The following RPS6KA5 variants were observed in gnomAD, a reference collection of about 807,000 sequenced individuals.
RPS6KA5 encodes the protein ribosomal protein S6 kinase alpha-5.
In RPS6KA5, 27 loss-of-function variants were observed where a neutral mutation model predicts 85.5. The observed-to-expected ratio is 0.32, with a 90% CI of 0.23 to 0.44. The LOEUF (loss-of-function observed/expected upper bound fraction) is 0.44. RPS6KA5 is among the 20% of genes least tolerant of loss of function. RPS6KA5 has a pLI of 1.00. For missense variants in RPS6KA5, 811 were observed against 980.9 expected (o/e 0.83, Z 2.31); for synonymous variants, 334 against 348.2 (o/e 0.96, Z 0.46).
intron 3 of RPS6KA5, among the ~76,000 whole-genome samples, chr14:90,960,566 C>T (rs1033324671): frequency 6.6e-6 from 1 of 152,112 alleles, no homozygotes; most frequent in Admixed American, 6.5e-5. Context: ...CCCTTTTCAA[C>T]TGGGCATAAA....
chr14:90,983,787 T>TCTC (rs2039917681), intron 2 of RPS6KA5, among the ~76,000 whole-genome samples: 4 of 129,334 alleles, frequency 3.1e-5, no homozygotes, highest in Admixed American at 8.4e-5. Context: ...CTTTCTTTCT[T>TCTC]TCTCTCTCTC....
rs576460486 is a variant in RPS6KA5, at chr14:90,877,213, A to G, written c.1837-1853T>C. Among the ~76,000 whole-genome samples the G allele has an allele frequency of 2.0e-5, 3 of 152,346 alleles. No homozygotes were observed. The South Asian group carries it at 6.2e-4, about 32-fold the overall frequency. On this transcript the variant is annotated intron_variant, in intron 14 of 16. Transcript: ENST00000614987. ...AAAAACTATATGCATGAGAATGCGC[A>G]GAGTTTGAAAATAGAAGACACGGAG...
At chr14:90,948,577 C>T (rs2037997743) in intron 3 of RPS6KA5, among the ~76,000 whole-genome samples, 1 of 152,124 alleles carries the variant, frequency 6.6e-6, no homozygotes, top group African/African-American at 2.4e-5. Context: ...TGCCTGTAGT[C>T]CCAGCTACTT....
rs2032119273 is a variant in RPS6KA5 at position 90,853,606 on chromosome 14, A to T, written c.*18468T>A. 6.6e-6 allele frequency: 1 copy of T among 150,862 alleles called. No homozygotes were observed. Among genetic ancestry groups the T allele is most frequent in the Non-Finnish European group, 1.5e-5 (1 of 67,782 alleles). 9.3% of individuals were successfully genotyped at this position (150,862 alleles called of 1,614,324 possible). On this transcript the variant is annotated 3_prime_UTR_variant, in exon 17 of 17. Coordinates refer to ENST00000614987, the MANE Select transcript of RPS6KA5 (RefSeq NM_004755.4). ...TTTGGGAGGCCGAGGCAGGCAGATC[A>T]TCAGGGCAGGAGTTCGAGACCAGCC...
intron 2 of RPS6KA5, among the ~76,000 whole-genome samples, chr14:90,980,769 C>A (rs1233240899): frequency 6.6e-6 from 1 of 152,186 alleles, no homozygotes; most frequent in East Asian, 1.9e-4. Flanking sequence ...ATAGAAGTCA[C>A]AATGCAAGTT....
At chr14:91,014,240 C>T (rs1453001186) in intron 1 of RPS6KA5, among the ~76,000 whole-genome samples, 3 of 152,028 alleles carry the variant, frequency 2.0e-5, no homozygotes, top group South Asian at 2.1e-4. Flanking sequence ...CGGTGGCTCA[C>T]GCCTGTAATC....
chr14:91,007,251 A>C (rs2041061156), intron 1 of RPS6KA5, among the ~76,000 whole-genome samples: 1 of 152,218 alleles, frequency 6.6e-6, no homozygotes, highest in Non-Finnish European at 1.5e-5. Flanking sequence ...AGAATGCCTT[A>C]TGAAAACTTT....
chr14:90,938,816 T>A (rs959701239), intron 5 of RPS6KA5, among the ~76,000 whole-genome samples: 1 of 152,156 alleles, frequency 6.6e-6, no homozygotes, highest in African/African-American at 2.4e-5. Context: ...AACCATTTTT[T>A]CCTCCTAAAC....
chr14:90,909,662 C>A (rs953061525), intron 7 of RPS6KA5, among the ~76,000 whole-genome samples: 7 of 152,008 alleles, frequency 4.6e-5, no homozygotes, highest in African/African-American at 1.7e-4. Flanking sequence ...GATTGCCTAG[C>A]CACATATTAC....
At chr14:91,052,801 T>C (rs1286446533) in intron 1 of RPS6KA5, among the ~76,000 whole-genome samples, 22 of 139,832 alleles carry the variant, frequency 1.6e-4, no homozygotes, top group Non-Finnish European at 2.6e-4. Context: ...GTCACTGTAC[T>C]CCAGCCTGGG....
In RPS6KA5 at chr14:90,863,284, C is replaced by G. The variant is rs2032647776; in HGVS notation, c.*8790G>C. On this transcript the variant is annotated 3_prime_UTR_variant, in exon 17 of 17. Transcript: ENST00000614987. Reference sequence around the variant, plus strand: ...AGCCACTGCACTCCAGCCTGGGTGGCAGAGCGAGACTCCGTCTCAAAAAAA... The same window carrying G: ...AGCCACTGCACTCCAGCCTGGGTGGGAGAGCGAGACTCCGTCTCAAAAAAA... 1 of 106,526 alleles carries G rather than the reference C, an allele frequency of 9.4e-6. No homozygotes were observed. Among genetic ancestry groups the G allele is most frequent in the Admixed American group, 1.5e-4 (1 of 6,490 alleles). The allele number at this position is 106,526 out of a possible 1,614,324, so 6.6% of individuals were successfully genotyped here.
chr14:91,052,031 G>T (rs2043103247), intron 1 of RPS6KA5, among the ~76,000 whole-genome samples: 1 of 151,990 alleles, frequency 6.6e-6, no homozygotes, highest in Non-Finnish European at 1.5e-5. Context: ...TTATAACTCA[G>T]TCCATCACCT....
chr14:90,908,447 G>T (rs1018286000), intron 7 of RPS6KA5, among the ~76,000 whole-genome samples: 1 of 152,174 alleles, frequency 6.6e-6, no homozygotes, highest in Non-Finnish European at 1.5e-5. Flanking sequence ...CCTAGCAGGT[G>T]ATGAGGAGTA....
intron 5 of RPS6KA5, among the ~76,000 whole-genome samples, chr14:90,928,267 C>A (rs1414223136): frequency 6.6e-6 from 1 of 151,908 alleles, no homozygotes; most frequent in Non-Finnish European, 1.5e-5. Flanking sequence ...TATATAAGAA[C>A]TTGTGGGATG....
chr14:91,034,782 T>C (rs2042332958), intron 1 of RPS6KA5, among the ~76,000 whole-genome samples: 1 of 152,186 alleles, frequency 6.6e-6, no homozygotes, highest in South Asian at 2.1e-4. Context: ...CACCACGAGG[T>C]GCATGGCTTC....
chr14:90,939,388 C>A (rs1042027377), intron 5 of RPS6KA5, among the ~76,000 whole-genome samples: 11 of 152,224 alleles, frequency 7.2e-5, no homozygotes, highest in Non-Finnish European at 1.2e-4. Context: ...CCAACCTCTG[C>A]CTGTTACCCA....
At chr14:90,940,455 T>C (rs944331186) in intron 5 of RPS6KA5, among the ~76,000 whole-genome samples, 5 of 152,184 alleles carry the variant, frequency 3.3e-5, no homozygotes, top group Non-Finnish European at 5.9e-5. Flanking sequence ...TCACACAGCA[T>C]TTCTGACTAA....
intron 1 of RPS6KA5, among the ~76,000 whole-genome samples, chr14:91,032,026 CG>C (rs2139842663): frequency 6.6e-6 from 1 of 152,186 alleles, no homozygotes; most frequent in South Asian, 2.1e-4. Flanking sequence ...GTACTCTTTG[CG>C]GGCGACATTA....
rs1193956155 is a variant in RPS6KA5 at position 90,850,952 on chromosome 14, A to C, written c.*21122T>G. ...TACTAGAACAATACCCATAAATATA[A>C]AAAATCTACTTAATTTTATACTTTG... On this transcript the variant is annotated 3_prime_UTR_variant, in exon 17 of 17. Transcript: ENST00000614987. 1 of 152,224 alleles carries C rather than the reference A, an allele frequency of 6.6e-6. No individual in the cohort carries two copies. Among genetic ancestry groups the C allele is most frequent in the Non-Finnish European group, 1.5e-5 (1 of 68,044 alleles). 9.4% of individuals were successfully genotyped at this position (152,224 alleles called of 1,614,324 possible).
Sources: allele counts gnomAD v4.1 joint callset (sites outside exome capture counted in the v4.1 genomes callset), GRCh38; gene constraint gnomAD v4.1.1; transcripts MANE v1.5; gene names NCBI Gene and HGNC (gene_info 2026-07-23, HGNC 2026-07-21).